The following NCALD variants were observed in gnomAD, a reference collection of about 807,000 sequenced individuals.
NCALD encodes neurocalcin delta.
A neutral mutation model predicts 18.6 loss-of-function variants in NCALD; 10 were observed. The observed-to-expected ratio is 0.54, with a 90% CI of 0.33 to 0.91. The LOEUF (loss-of-function observed/expected upper bound fraction) is 0.91, where lower values mean the gene tolerates loss of function less well. Among genes scored for constraint, NCALD ranks in the 40% least tolerant of loss-of-function variants. The pLI, the probability that NCALD is intolerant of heterozygous loss-of-function variation, is 0.03. For synonymous variants in NCALD, 88 were observed against 87.4 expected, an observed-to-expected ratio of 1.01 and a Z score of -0.04; for missense variants, 184 against 247.6, an observed-to-expected ratio of 0.74 and a Z score of 1.72.
At chr8:102,064,105 C>T (rs947155574) in intron 1 of NCALD, among the ~76,000 whole-genome samples, 1 of 152,192 alleles carries the variant, frequency 6.6e-6, no homozygotes, top group Non-Finnish European at 1.5e-5. Flanking sequence ...TAAACAACCT[C>T]AAACAAGGCA....
intron 2 of NCALD, among the ~76,000 whole-genome samples, chr8:101,716,754 G>A (rs1395002587): frequency 3.9e-5 from 6 of 152,128 alleles, no homozygotes; most frequent in Non-Finnish European, 8.8e-5. Flanking sequence ...ATATTGAGAT[G>A]GAAGGAAAAA....
At chr8:101,724,270 T>C (rs1007608616) in intron 1 of NCALD, among the ~76,000 whole-genome samples, 4 of 152,222 alleles carry the variant, frequency 2.6e-5, no homozygotes, top group Non-Finnish European at 5.9e-5. Context: ...GCAGTCTGCA[T>C]AGGCTGGTGG....
intron 3 of NCALD, among the ~76,000 whole-genome samples, chr8:101,897,417 G>T (rs1168281477): frequency 6.8e-6 from 1 of 147,982 alleles, no homozygotes; most frequent in Non-Finnish European, 1.5e-5. Flanking sequence ...CCTAATGCTA[G>T]ATGACGAGTT....
intron 1 of NCALD, among the ~76,000 whole-genome samples, chr8:101,754,070 T>C (rs946437611): frequency 2.0e-5 from 3 of 152,152 alleles, no homozygotes; most frequent in Admixed American, 2.0e-4. Flanking sequence ...TCACCTTATG[T>C]CCTCATTGGA....
chr8:102,106,893 C>T (rs1352979948), intron 1 of NCALD, among the ~76,000 whole-genome samples: 1 of 152,034 alleles, frequency 6.6e-6, no homozygotes, highest in Non-Finnish European at 1.5e-5. Context: ...ACTCAAACCA[C>T]TCTCCTATGA....
intron 2 of NCALD, among the ~76,000 whole-genome samples, chr8:101,941,795 T>C (rs1377652922): frequency 6.6e-6 from 1 of 152,228 alleles, no homozygotes; most frequent in East Asian, 1.9e-4. Context: ...TAAGATTGTT[T>C]GATATCAGCT....
At chr8:101,859,848 G>T (rs909354190) in intron 4 of NCALD, among the ~76,000 whole-genome samples, 6 of 152,128 alleles carry the variant, frequency 3.9e-5, no homozygotes, top group African/African-American at 1.4e-4. Context: ...CCAAAACAAA[G>T]GGTATGAGTT....
At chr8:101,915,007 T>C (rs990976401) in intron 3 of NCALD, among the ~76,000 whole-genome samples, 2 of 152,248 alleles carry the variant, frequency 1.3e-5, no homozygotes, top group Non-Finnish European at 2.9e-5. Flanking sequence ...TTAATTTATT[T>C]GACAAACATT....
At chr8:102,034,084 G>A (rs537621919) in intron 1 of NCALD, among the ~76,000 whole-genome samples, 1 of 151,368 alleles carries the variant, frequency 6.6e-6, no homozygotes, top group African/African-American at 2.4e-5. Flanking sequence ...AAGGGCTATA[G>A]CAACTATGTG....
intron 1 of NCALD, among the ~76,000 whole-genome samples, chr8:102,065,400 G>A (rs988649870): frequency 5.3e-5 from 8 of 152,172 alleles, no homozygotes; most frequent in Non-Finnish European, 1.5e-5. Flanking sequence ...TCAGCCTTCT[G>A]TCCAAGCTAC....
At chr8:101,704,759 C>T (rs1285342470) in intron 2 of NCALD, among the ~76,000 whole-genome samples, 3 of 147,346 alleles carry the variant, frequency 2.0e-5, no homozygotes, top group Non-Finnish European at 4.5e-5. Context: ...GTCTACTAAA[C>T]ATAAACAAAA....
intron 1 of NCALD, among the ~76,000 whole-genome samples, chr8:101,742,926 T>C (rs1810275228): frequency 6.6e-6 from 1 of 152,160 alleles, no homozygotes; most frequent in South Asian, 2.1e-4. Context: ...ATGTGGTGTT[T>C]GGTTTTCTAT....
chr8:101,984,752 C>T (rs16868855), intron 2 of NCALD, among the ~76,000 whole-genome samples: 51,016 of 152,124 alleles, frequency 0.34, 12,954 homozygotes, highest in African/African-American at 0.72. Flanking sequence ...TGAGCAAGAT[C>T]AAGGGAGTGG....
chr8:101,704,710 G>A lies in NCALD; in HGVS notation c.379-11814C>T, dbSNP rs578261380. On this transcript the variant is annotated intron_variant, in intron 2 of 3. Coordinates refer to ENST00000220931, the MANE Select transcript of NCALD (RefSeq NM_032041.3). ...GGCAGGCGGGATCAGCTGAGGTCAG[G>A]AGTTCAAGACCAGCCTGGCCAACAT... 2.7e-5 allele frequency among the ~76,000 whole-genome samples: 4 copies of A among 150,080 alleles called. No individual in the cohort carries two copies. In the South Asian group the frequency reaches 8.5e-4, roughly 32 times the overall value.
At chr8:102,016,114 G>A (rs986526514) in intron 2 of NCALD, among the ~76,000 whole-genome samples, 1 of 152,112 alleles carries the variant, frequency 6.6e-6, no homozygotes, top group African/African-American at 2.4e-5. Flanking sequence ...CTGATTCTTG[G>A]AAAGGGGTAC....
chr8:102,088,549 T>A (rs1426803738), intron 1 of NCALD, among the ~76,000 whole-genome samples: 1 of 145,266 alleles, frequency 6.9e-6, no homozygotes, highest in African/African-American at 2.7e-5. Context: ...AGATCCTGTT[T>A]TCGGGGAAAA....
chr8:102,118,373 G>C (rs780397289), intron 1 of NCALD, among the ~76,000 whole-genome samples: 1 of 152,200 alleles, frequency 6.6e-6, no homozygotes, highest in Non-Finnish European at 1.5e-5. Flanking sequence ...TGGGTTCCCT[G>C]ATCTTACCCG....
At chr8:101,785,461 G>A (rs1812187158) in intron 1 of NCALD, among the ~76,000 whole-genome samples, 1 of 152,132 alleles carries the variant, frequency 6.6e-6, no homozygotes, top group Non-Finnish European at 1.5e-5. Context: ...ACTAGCAAGT[G>A]GTAGAAACAG....
intron 1 of NCALD, among the ~76,000 whole-genome samples, chr8:101,764,101 G>A (rs1811244554): frequency 6.6e-6 from 1 of 151,906 alleles, no homozygotes; most frequent in Admixed American, 6.6e-5. Context: ...AGTAGTAGGT[G>A]GACGGATCTG....
Sources: gnomAD v4.1 joint callset for allele counts (sites outside exome capture counted in the v4.1 genomes callset) on GRCh38, gnomAD v4.1.1 for gene constraint, MANE v1.5 for transcripts, NCBI Gene and HGNC (gene_info 2026-07-23, HGNC 2026-07-21) for gene names.